RPSA2: variants seen among roughly 807,000 people sequenced by gnomAD.
RPSA2 encodes ribosomal protein SA 2.
At chr19:23,768,662 A>G in the RPSA2 span, among the ~76,000 whole-genome samples, 1 of 53,902 alleles carries the variant, frequency 1.9e-5, no homozygotes, top group African/African-American at 6.4e-5. Context: ...ATCTTGGCTC[A>G]CTACAACCTT....
chr19:23,801,729 C>T, the RPSA2 span, among the ~76,000 whole-genome samples: 244 of 152,278 alleles, frequency 1.6e-3, no homozygotes, highest in African/African-American at 5.7e-3. Flanking sequence ...TGTATCACCC[C>T]ACTCTCTATC....
At chr19:23,868,334 TGTC>T in the RPSA2 span, among the ~76,000 whole-genome samples, 1 of 152,176 alleles carries the variant, frequency 6.6e-6, no homozygotes, top group African/African-American at 2.4e-5. Context: ...ATGGTGACAC[TGTC>T]TGTCGCCGTT....
chr19:23,836,831 T>G, the RPSA2 span, among the ~76,000 whole-genome samples: 1 of 152,146 alleles, frequency 6.6e-6, no homozygotes, highest in Admixed American at 6.5e-5. Context: ...ATTTTTCTAT[T>G]TTTTGATTTT....
At chr19:23,834,478 G>A in the RPSA2 span, among the ~76,000 whole-genome samples, 4 of 151,988 alleles carry the variant, frequency 2.6e-5, no homozygotes, top group East Asian at 7.7e-4. Flanking sequence ...GAAAATTTAA[G>A]TAGAGAGGCT....
the RPSA2 span, among the ~76,000 whole-genome samples, chr19:23,761,922 T>TCCTTCC: frequency 5.2e-4 from 51 of 98,982 alleles, no homozygotes; most frequent in Admixed American, 8.5e-4. Context: ...CTTTCTTTCT[T>TCCTTCC]TTTTTTTTTT....
chr19:23,759,063 T>G, the RPSA2 span, among the ~76,000 whole-genome samples: 1 of 152,118 alleles, frequency 6.6e-6, no homozygotes, highest in Non-Finnish European at 1.5e-5. Context: ...ACAACGTAAG[T>G]TGCAGCGTTT....
At chr19:23,854,806 C>G in the RPSA2 span, among the ~76,000 whole-genome samples, 1 of 152,168 alleles carries the variant, frequency 6.6e-6, no homozygotes, top group Non-Finnish European at 1.5e-5. Context: ...CCCATGCCCA[C>G]AGAATAGCTT....
the RPSA2 span, among the ~76,000 whole-genome samples, chr19:23,813,283 A>G: frequency 6.6e-6 from 1 of 151,642 alleles, no homozygotes; most frequent in Non-Finnish European, 1.5e-5. Context: ...CTATATTCAC[A>G]TTGTTATGCA....
chr19:23,759,331 C>A, the RPSA2 span, among the ~76,000 whole-genome samples: 1 of 151,964 alleles, frequency 6.6e-6, no homozygotes, highest in East Asian at 1.9e-4. Context: ...GCCCGTCACT[C>A]ACGCGCTCTT....
chr19:23,852,356 ACAC>A, the RPSA2 span, among the ~76,000 whole-genome samples: 7 of 152,094 alleles, frequency 4.6e-5, no homozygotes, highest in Non-Finnish European at 1.0e-4. Flanking sequence ...ACACACACAC[ACAC>A]ACACACAAAT....
At chr19:23,790,980 G>A in the RPSA2 span, among the ~76,000 whole-genome samples, 1 of 152,184 alleles carries the variant, frequency 6.6e-6, no homozygotes, top group African/African-American at 2.4e-5. Flanking sequence ...TGTCTTCCCA[G>A]TGCATTGGCT....
At chr19:23,843,494 G>A in the RPSA2 span, among the ~76,000 whole-genome samples, 1 of 152,090 alleles carries the variant, frequency 6.6e-6, no homozygotes, top group African/African-American at 2.4e-5. Context: ...TTTCCTTTGA[G>A]GGTACCATGA....
the RPSA2 span, among the ~76,000 whole-genome samples, chr19:23,864,604 C>G: frequency 6.6e-6 from 1 of 152,094 alleles, no homozygotes; most frequent in African/African-American, 2.4e-5. Context: ...ATTGCTTATT[C>G]TAAAGTTGGC....
At chr19:23,798,671 A>C in the RPSA2 span, among the ~76,000 whole-genome samples, 1 of 152,020 alleles carries the variant, frequency 6.6e-6, no homozygotes, top group Non-Finnish European at 1.5e-5. Context: ...ATTTATATCT[A>C]ATATCCAAAG....
chr19:23,805,472 CTT>C, the RPSA2 span, among the ~76,000 whole-genome samples: 1 of 152,104 alleles, frequency 6.6e-6, no homozygotes, highest in Non-Finnish European at 1.5e-5. Flanking sequence ...TGCAGAGAAA[CTT>C]ATAGTTCCTA....
chr19:23,859,310 G>A, the RPSA2 span, among the ~76,000 whole-genome samples: 1 of 152,130 alleles, frequency 6.6e-6, no homozygotes, highest in Non-Finnish European at 1.5e-5. Context: ...TTTATGAATA[G>A]TTTAATGGAA....
the RPSA2 span, among the ~76,000 whole-genome samples, chr19:23,821,439 G>A: frequency 6.6e-6 from 1 of 152,178 alleles, no homozygotes; most frequent in East Asian, 1.9e-4. Flanking sequence ...CCTAGTTAAG[G>A]CTTCTTTGAT....
At chr19:23,768,907 G>C in the RPSA2 span, among the ~76,000 whole-genome samples, 1 of 151,896 alleles carries the variant, frequency 6.6e-6, no homozygotes, top group Non-Finnish European at 1.5e-5. Flanking sequence ...TATTTTATGT[G>C]ACTCTTCTCT....
At chr19:23,867,437 A>G in the RPSA2 span, among the ~76,000 whole-genome samples, 1 of 152,226 alleles carries the variant, frequency 6.6e-6, no homozygotes, top group Non-Finnish European at 1.5e-5. Context: ...ATAACCTAGG[A>G]TTTAAAATGT....
Sources: allele counts gnomAD v4.1 joint callset (sites outside exome capture counted in the v4.1 genomes callset), GRCh38; gene constraint gnomAD v4.1.1; transcripts MANE v1.5; gene names NCBI Gene and HGNC (gene_info 2026-07-23, HGNC 2026-07-21).